GRB14: variants seen among roughly 807,000 people sequenced by gnomAD.
GRB14 encodes the protein growth factor receptor-bound protein 14.
A neutral mutation model predicts 69.1 loss-of-function variants in GRB14; 38 were observed. The ratio of observed to expected loss-of-function variants is 0.55; its 90% CI spans 0.42 to 0.72. The LOEUF is 0.72. Ranked by LOEUF, GRB14 falls within the 30% of genes least tolerant of loss-of-function variation. GRB14 has a pLI of 0.00. For synonymous variants in GRB14, 247 were observed against 241.3 expected, an observed-to-expected ratio of 1.02 and a Z score of -0.22; for missense variants, 666 against 666.1, an observed-to-expected ratio of 1.00 and a Z score of 0.00.
rs373508476 is a variant in GRB14, at chr2:164,508,530, G to A, written c.948C>T (p.Pro316=). Residue 316 remains proline (P), a synonymous_variant, in exon 8 of 14, where the codon CCC becomes CCT. Transcript: ENST00000263915. The part of the protein sequence containing the change: ...FCFKPNKAGG[P]RDLKMLCAEE... ...CTGCACAGAGCATTTTCAGGTCTCGGGGCCCTCCCGCTTTGTTAGGCTAGA... is the reference window on the plus strand; with the variant it reads ...CTGCACAGAGCATTTTCAGGTCTCGAGGCCCTCCCGCTTTGTTAGGCTAGA... 1.2e-6 allele frequency: 2 copies of A among 1,613,910 alleles called. No individual in the cohort carries two copies. Among genetic ancestry groups the A allele is most frequent in the Non-Finnish European group, 8.5e-7 (1 of 1,179,952 alleles).
At chr2:164,515,861 T>C (rs886692461) in intron 6 of GRB14, among the ~76,000 whole-genome samples, 2 of 146,590 alleles carry the variant, frequency 1.4e-5, no homozygotes, top group Admixed American at 6.8e-5. Flanking sequence ...GTGAAATAGA[T>C]AGCATGAATA....
chr2:164,512,575 G>C (rs1687368187), intron 6 of GRB14, among the ~76,000 whole-genome samples: 1 of 152,222 alleles, frequency 6.6e-6, no homozygotes, highest in Non-Finnish European at 1.5e-5. Context: ...AGCCTGGCAG[G>C]CTTCACTACG....
intron 2 of GRB14, among the ~76,000 whole-genome samples, chr2:164,573,372 A>AT (rs1233535206): frequency 1.3e-5 from 2 of 152,134 alleles, no homozygotes; most frequent in Admixed American, 6.6e-5. Flanking sequence ...TAGCCTTATG[A>AT]TTTTTTTCTG....
chr2:164,587,348 A>T (rs1296574897), intron 2 of GRB14, among the ~76,000 whole-genome samples: 1 of 152,160 alleles, frequency 6.6e-6, no homozygotes, highest in Non-Finnish European at 1.5e-5. Context: ...AGTAATCAAC[A>T]TCCTTTATGT....
intron 5 of GRB14, among the ~76,000 whole-genome samples, chr2:164,523,283 G>T (rs1687681749): frequency 6.6e-6 from 1 of 152,020 alleles, no homozygotes; most frequent in South Asian, 2.1e-4. Flanking sequence ...GGAATAGTTT[G>T]TTACATGGTA....
At chr2:164,565,063 G>C (rs1431853587) in intron 2 of GRB14, among the ~76,000 whole-genome samples, 1 of 152,086 alleles carries the variant, frequency 6.6e-6, no homozygotes, top group Non-Finnish European at 1.5e-5. Flanking sequence ...ATCTGATAGA[G>C]ACATGAAATA....
intron 8 of GRB14, among the ~76,000 whole-genome samples, 170 bp downstream of exon 8, chr2:164,508,285 T>G (rs1574251826): frequency 1.3e-5 from 2 of 152,348 alleles, no homozygotes; most frequent in Non-Finnish European, 2.9e-5. Context: ...TCCACTCTAC[T>G]CCGAAAATGT....
chr2:164,568,528 C>T, intron 2 of GRB14: 1 of 1,034,880 alleles, frequency 9.7e-7, no homozygotes, highest in African/African-American at 1.7e-5. Flanking sequence ...TTCCAATCTA[C>T]CCAAAGCCAA....
At chr2:164,540,438 G>A (rs990849048) in intron 3 of GRB14, among the ~76,000 whole-genome samples, 1 of 151,970 alleles carries the variant, frequency 6.6e-6, no homozygotes, top group Non-Finnish European at 1.5e-5. Context: ...GTGAAACCCT[G>A]TCTCTACTAA....
intron 6 of GRB14, among the ~76,000 whole-genome samples, chr2:164,513,319 C>T (rs1239600071): frequency 6.6e-6 from 1 of 152,158 alleles, no homozygotes; most frequent in Non-Finnish European, 1.5e-5. Flanking sequence ...AAAATATGCT[C>T]ATGCCCTAAT....
At chr2:164,508,949 C>T (rs1687268071) in intron 6 of GRB14, 97 bp from the exon 7 acceptor site, 1 of 661,394 alleles carries the variant, frequency 1.5e-6, no homozygotes, top group Non-Finnish European at 2.3e-6. Context: ...AAACTTATGA[C>T]CAACAGAAGT....
intron 2 of GRB14, among the ~76,000 whole-genome samples, chr2:164,571,129 T>C (rs536529067): frequency 5.2e-4 from 79 of 152,346 alleles, no homozygotes; most frequent in African/African-American, 1.8e-3. Flanking sequence ...ATATTGACTG[T>C]GCTTTATCTT....
At chr2:164,514,138 A>G (rs1290718655) in intron 6 of GRB14, among the ~76,000 whole-genome samples, 1 of 152,246 alleles carries the variant, frequency 6.6e-6, no homozygotes, top group African/African-American at 2.4e-5. Flanking sequence ...CTAGGAATTT[A>G]CAATGTATGT....
chr2:164,571,259 T>C (rs1159361825), intron 2 of GRB14, among the ~76,000 whole-genome samples: 1 of 151,678 alleles, frequency 6.6e-6, no homozygotes, highest in African/African-American at 2.4e-5. Context: ...TTAATTTTCT[T>C]CAGTTGCAAA....
chr2:164,543,699 C>T (rs961049934), intron 3 of GRB14, among the ~76,000 whole-genome samples: 6 of 151,816 alleles, frequency 4.0e-5, no homozygotes, highest in African/African-American at 1.5e-4. Context: ...CTGCATATCA[C>T]ATTTAAGGAG....
Position 164,621,037 on chromosome 2 carries a change from G to A in GRB14, c.191+82C>T. 8.7e-7 allele frequency: 1 copy of A among 1,155,854 alleles called. No individual in the cohort carries two copies. 71.6% of individuals were successfully genotyped at this position (1,155,854 alleles called of 1,614,324 possible). ...AACTTGGCCCAGCTCTGGGCACATG[G>A]CTCACCCCCTAGGACCGCCTCCTCA... On this transcript the variant is annotated intron_variant, in intron 1 of 13. Coordinates refer to ENST00000263915, the MANE Select transcript of GRB14 (RefSeq NM_004490.3). The surrounding 1 kb of genome is among the most constrained non-coding windows in gnomAD (Gnocchi z 6.0).
chr2:164,618,788 G>A (rs1463768002), intron 2 of GRB14, among the ~76,000 whole-genome samples: 1 of 152,186 alleles, frequency 6.6e-6, no homozygotes, highest in Non-Finnish European at 1.5e-5. Context: ...AAGAAAGAGA[G>A]CAATAGACGC....
At chr2:164,608,994 C>A (rs904181092) in intron 2 of GRB14, among the ~76,000 whole-genome samples, 4 of 152,146 alleles carry the variant, frequency 2.6e-5, no homozygotes, top group African/African-American at 9.7e-5. Flanking sequence ...ATAACACACA[C>A]AAAATTTGAA....
chr2:164,510,982 G>T (rs1013370490), intron 6 of GRB14, among the ~76,000 whole-genome samples: 7 of 152,162 alleles, frequency 4.6e-5, no homozygotes, highest in African/African-American at 1.4e-4. Context: ...ACTTTGCATT[G>T]AACTCAGTGC....
Sources: allele counts gnomAD v4.1 joint callset (sites outside exome capture counted in the v4.1 genomes callset), GRCh38; gene constraint gnomAD v4.1.1; non-coding constraint Gnocchi (gnomAD v3.1); transcripts MANE v1.5; gene names NCBI Gene and HGNC (gene_info 2026-07-23, HGNC 2026-07-21).